SPIDR: variants seen among roughly 807,000 people sequenced by gnomAD.
SPIDR encodes DNA repair-scaffolding protein.
A neutral mutation model predicts 104.6 loss-of-function variants in SPIDR; 93 were observed. The ratio of observed to expected loss-of-function variants is 0.89; its 90% CI spans 0.75 to 1.06. The LOEUF (loss-of-function observed/expected upper bound fraction) is 1.06, where lower values mean the gene tolerates loss of function less well. Ranked by LOEUF, SPIDR falls within the 50% of genes least tolerant of loss-of-function variation. SPIDR has a pLI of 0.00. For synonymous variants in SPIDR, 431 were observed against 416.9 expected (o/e 1.03, Z -0.41); for missense variants, 1,154 against 1,111.2 (o/e 1.04, Z -0.55).
intron 10 of SPIDR, among the ~76,000 whole-genome samples, chr8:47,665,134 A>G (rs2074728763): frequency 6.6e-6 from 1 of 152,188 alleles, no homozygotes; most frequent in South Asian, 2.1e-4. Context: ...ACACCCAGAC[A>G]CCTCAAAGTC....
At chr8:47,511,756 C>T in intron 8 of SPIDR, 1 of 1,302,354 alleles carries the variant, frequency 7.7e-7, no homozygotes, top group South Asian at 1.2e-5. Flanking sequence ...AGCTACAGCT[C>T]CATGCTCTTT....
At chr8:47,480,756 G>C (rs1465150067) in intron 8 of SPIDR, among the ~76,000 whole-genome samples, 2 of 152,204 alleles carry the variant, frequency 1.3e-5, no homozygotes, top group African/African-American at 2.4e-5. Context: ...TTCCTGTCCA[G>C]ATGAGCCAAG....
chr8:47,352,290 AAAG>A (rs1186811501), intron 5 of SPIDR, among the ~76,000 whole-genome samples: 31 of 151,548 alleles, frequency 2.0e-4, no homozygotes, highest in Non-Finnish European at 3.0e-4. Flanking sequence ...AAAAAAAAAA[AAAG>A]AAAGAAAGAA....
intron 8 of SPIDR, among the ~76,000 whole-genome samples, chr8:47,466,561 C>A (rs1462268430): frequency 6.6e-6 from 1 of 152,018 alleles, no homozygotes; most frequent in Non-Finnish European, 1.5e-5. Flanking sequence ...ACACTCACAT[C>A]AAAAAGTTAG....
At chr8:47,622,567 G>A (rs945126697) in intron 10 of SPIDR, among the ~76,000 whole-genome samples, 10 of 152,160 alleles carry the variant, frequency 6.6e-5, no homozygotes, top group Non-Finnish European at 4.4e-5. Flanking sequence ...TGGAGTTAAT[G>A]ACAGGATGTC....
chr8:47,317,728 G>A (rs200565758), intron 5 of SPIDR, among the ~76,000 whole-genome samples: 34 of 152,108 alleles, frequency 2.2e-4, no homozygotes, highest in Admixed American at 7.9e-4. Context: ...TCACATGGCC[G>A]GGTACTCCTC....
At chr8:47,425,024 A>C (rs782761059) in intron 7 of SPIDR, among the ~76,000 whole-genome samples, 5 of 152,220 alleles carry the variant, frequency 3.3e-5, no homozygotes, top group Non-Finnish European at 7.3e-5. Context: ...ATTTAAGATC[A>C]CTTCCGTTAG....
At chr8:47,479,014 G>C (rs572722415) in intron 8 of SPIDR, among the ~76,000 whole-genome samples, 1 of 151,896 alleles carries the variant, frequency 6.6e-6, no homozygotes, top group African/African-American at 2.4e-5. Context: ...GGTTAGGAAG[G>C]TATTCATCTC....
At chr8:47,561,934 CAAAG>C (rs1410858190) in intron 8 of SPIDR, among the ~76,000 whole-genome samples, 1 of 152,194 alleles carries the variant, frequency 6.6e-6, no homozygotes, top group Non-Finnish European at 1.5e-5. Flanking sequence ...AAAATATGTT[CAAAG>C]AAAGAGGTGA....
intron 7 of SPIDR, among the ~76,000 whole-genome samples, chr8:47,421,072 C>A (rs1339318824): frequency 1.3e-5 from 2 of 152,206 alleles, no homozygotes; most frequent in African/African-American, 2.4e-5. Context: ...TTTGGTGAAT[C>A]TGACAATTAT....
intron 8 of SPIDR, among the ~76,000 whole-genome samples, chr8:47,545,775 G>T (rs920576291): frequency 6.6e-6 from 1 of 152,006 alleles, no homozygotes; most frequent in African/African-American, 2.4e-5. Context: ...GTTTTTTATA[G>T]ATGTTCTCTA....
At chr8:47,573,156 T>A (rs978797732) in intron 8 of SPIDR, among the ~76,000 whole-genome samples, 20 of 152,282 alleles carry the variant, frequency 1.3e-4, no homozygotes, top group African/African-American at 4.6e-4. Flanking sequence ...GTCTACACAG[T>A]GAAGTTACGA....
chr8:47,493,040 TGA>T (rs1160583428), intron 8 of SPIDR, among the ~76,000 whole-genome samples: 637 of 60,342 alleles, frequency 0.011, 4 homozygotes, highest in African/African-American at 0.02. Flanking sequence ...AGAGAGAGAG[TGA>T]GTGTGTGTGT....
intron 8 of SPIDR, among the ~76,000 whole-genome samples, chr8:47,538,410 G>A (rs2087365221): frequency 6.6e-6 from 1 of 152,128 alleles, no homozygotes; most frequent in African/African-American, 2.4e-5. Flanking sequence ...AGGGTGTGGT[G>A]GTAGGTGCCT....
At chr8:47,492,355 C>T (rs1290675163) in intron 8 of SPIDR, among the ~76,000 whole-genome samples, 1 of 152,056 alleles carries the variant, frequency 6.6e-6, no homozygotes, top group Non-Finnish European at 1.5e-5. Flanking sequence ...AGGCCATTTC[C>T]TCTACGGAGG....
rs563495245 is a variant in SPIDR, at chr8:47,366,062, G to A, written c.526-30314G>A. On this transcript the variant is annotated intron_variant, in intron 5 of 19. Transcript: ENST00000297423. The stretch of plus-strand genomic sequence containing the variant: ...GTACCTATTAAAAAAAAGACATGAA[G>A]CCAAAGCAAGGTAAAGATAAAACCA... 3.9e-5 allele frequency among the ~76,000 whole-genome samples: 6 copies of A among 152,140 alleles called. No individual in the cohort carries two copies. The South Asian group carries it at 1.2e-3, about 32-fold the overall frequency.
At chr8:47,586,557 G>A (rs2060271983) in intron 8 of SPIDR, among the ~76,000 whole-genome samples, 1 of 152,064 alleles carries the variant, frequency 6.6e-6, no homozygotes, top group Non-Finnish European at 1.5e-5. Flanking sequence ...GTTCATACCT[G>A]TTGTTTCTTA....
At chr8:47,660,748 C>T (rs1003453724) in intron 10 of SPIDR, among the ~76,000 whole-genome samples, 3 of 152,146 alleles carry the variant, frequency 2.0e-5, no homozygotes, top group Admixed American at 1.3e-4. Flanking sequence ...AATGGTATAC[C>T]CTGTGCCACT....
At chr8:47,457,155 A>G (rs1554710341) in intron 8 of SPIDR, among the ~76,000 whole-genome samples, 1 of 152,088 alleles carries the variant, frequency 6.6e-6, no homozygotes, top group East Asian at 1.9e-4. Flanking sequence ...TGGTAGTTCT[A>G]CTTTTAGTTC....
Sources: gnomAD v4.1 joint callset for allele counts (sites outside exome capture counted in the v4.1 genomes callset) on GRCh38, gnomAD v4.1.1 for gene constraint, MANE v1.5 for transcripts, NCBI Gene and HGNC (gene_info 2026-07-23, HGNC 2026-07-21) for gene names.